DOCK3: variants seen among roughly 807,000 people sequenced by gnomAD.
The protein encoded by DOCK3 is dedicator of cytokinesis 3.
Under a neutral mutation model 265.6 loss-of-function variants are expected in DOCK3, and 60 were observed. The observed-to-expected ratio is 0.23, with a 90% CI of 0.18 to 0.28. DOCK3 has a LOEUF of 0.28. Ranked by LOEUF, DOCK3 falls within the 10% of genes least tolerant of loss-of-function variation. DOCK3 has a pLI of 1.00. For missense variants in DOCK3, 1,981 were observed against 2,594.3 expected, an observed-to-expected ratio of 0.76 and a Z score of 5.14; for synonymous variants, 881 against 938.0, an observed-to-expected ratio of 0.94 and a Z score of 1.11.
At chr3:50,933,626 T>C (rs1436759444) in intron 4 of DOCK3, among the ~76,000 whole-genome samples, 1 of 152,092 alleles carries the variant, frequency 6.6e-6, no homozygotes, top group Non-Finnish European at 1.5e-5. Flanking sequence ...AGAAAAATGT[T>C]AAAGGTCATA....
chr3:50,888,665 A>G lies in DOCK3; in HGVS notation c.163-1361A>G, dbSNP rs534565679. 2.0e-5 allele frequency among the ~76,000 whole-genome samples: 3 copies of G among 152,298 alleles called. No homozygotes were observed. In the South Asian group the frequency reaches 6.2e-4, roughly 32 times the overall value. ...ATGGTACTGGTACCAAAACAGAGAT[A>G]TAGATCAATGGAACAGAACAGAGCC... On this transcript the variant is annotated intron_variant, in intron 3 of 52. Coordinates refer to ENST00000266037, the MANE Select transcript of DOCK3 (RefSeq NM_004947.5).
rs1242775735 is a variant in DOCK3 at position 51,220,732 on chromosome 3, T to TATAA, written c.1253-4916_1253-4915insTAAA. 2.4e-3 allele frequency among the ~76,000 whole-genome samples: 350 copies of TATAA among 144,576 alleles called. 4 individuals carry two copies. The highest frequency in any genetic ancestry group is 8.1e-3 in the African/African-American group (319 of 39,440). The allele number at this position is 144,576 out of a possible 152,430, so 94.8% of individuals were successfully genotyped here. A position where few individuals can be genotyped will look rare whatever the true frequency, so the allele number is the denominator to read the frequency against. On this transcript the variant is annotated intron_variant, in intron 14 of 52. Transcript: ENST00000266037. ...GTGTATATATATATATATATATATA[T>TATAA]AAAATACTTGAACCCAGAGCCTCCT...
intron 7 of DOCK3, among the ~76,000 whole-genome samples, chr3:51,088,683 G>T (rs1474827998): frequency 6.6e-6 from 1 of 152,146 alleles, no homozygotes; most frequent in African/African-American, 2.4e-5. Flanking sequence ...GATAATACAG[G>T]CTCTTATCTG....
In DOCK3 at chr3:50,675,324, G is replaced by T. The variant is rs1350939594; in HGVS notation, c.37+24G>T. On this transcript the variant is annotated intron_variant, in intron 1 of 52. Coordinates refer to ENST00000266037, the MANE Select transcript of DOCK3 (RefSeq NM_004947.5). The surrounding 1 kb of genome is among the most constrained non-coding windows in gnomAD (Gnocchi z 6.1). ...AGGTAGGTGAGGCTCAGGCCTGGCC[G>T]TGGCGGGGGTTCTGGGGGACGCGCC... The T allele has an allele frequency of 3.2e-6, 4 of 1,241,818 alleles. No homozygotes were observed. Among genetic ancestry groups the T allele is most frequent in the Non-Finnish European group, 4.1e-6 (4 of 979,188 alleles). The allele number at this position is 1,241,818 out of a possible 1,614,324, so 76.9% of individuals were successfully genotyped here. A position where few individuals can be genotyped will look rare whatever the true frequency, so the allele number is the denominator to read the frequency against.
At chr3:50,828,008 C>T (rs1029593945) in intron 2 of DOCK3, among the ~76,000 whole-genome samples, 14 of 150,136 alleles carry the variant, frequency 9.3e-5, no homozygotes, top group Non-Finnish European at 1.6e-4. Context: ...TGCAGTGGTG[C>T]GATCTCGGCT....
At chr3:51,135,031 C>T (rs1234463899) in intron 9 of DOCK3, among the ~76,000 whole-genome samples, 1 of 152,194 alleles carries the variant, frequency 6.6e-6, no homozygotes, top group East Asian at 1.9e-4. Context: ...GCTGTTGCAG[C>T]TACTACAGCA....
At chr3:50,983,983 C>T (rs1159765204) in intron 5 of DOCK3, among the ~76,000 whole-genome samples, 1 of 152,188 alleles carries the variant, frequency 6.6e-6, no homozygotes, top group Non-Finnish European at 1.5e-5. Flanking sequence ...GCTTGTGGTG[C>T]ACCTGGTCCA....
intron 5 of DOCK3, among the ~76,000 whole-genome samples, chr3:51,052,328 A>G (rs1292778476): frequency 2.0e-5 from 3 of 152,116 alleles, no homozygotes; most frequent in South Asian, 4.1e-4. Flanking sequence ...CCACATAGCA[A>G]GACCTTGTCT....
intron 12 of DOCK3, among the ~76,000 whole-genome samples, chr3:51,165,048 CCT>C (rs976997972): frequency 3.4e-5 from 5 of 148,090 alleles, no homozygotes; most frequent in Non-Finnish European, 5.9e-5. Context: ...AAGCCATTCT[CCT>C]CTCTCAGCCT....
chr3:50,889,321 C>G (rs868832754), intron 3 of DOCK3, among the ~76,000 whole-genome samples: 1 of 151,948 alleles, frequency 6.6e-6, no homozygotes, highest in Non-Finnish European at 1.5e-5. Flanking sequence ...TGGCCTCTAA[C>G]AGTTCTCCCA....
At chr3:50,676,691 G>T (rs1382722522) in intron 1 of DOCK3, among the ~76,000 whole-genome samples, 1 of 151,180 alleles carries the variant, frequency 6.6e-6, no homozygotes, top group Non-Finnish European at 1.5e-5. Flanking sequence ...TTTTTTGGAG[G>T]GGGGAGGAGC....
chr3:50,741,471 G>A (rs971261665), intron 1 of DOCK3, among the ~76,000 whole-genome samples: 2 of 128,498 alleles, frequency 1.6e-5, no homozygotes, highest in African/African-American at 6.0e-5. Context: ...TCCCCTCCCT[G>A]TGTCCATGTG....
chr3:51,275,325 A>G, intron 25 of DOCK3, 119 bp downstream of exon 25: 1 of 1,459,254 alleles, frequency 6.9e-7, no homozygotes, highest in East Asian at 2.3e-5. Flanking sequence ...TGCTTTCATC[A>G]GTGACAGGAA....
chr3:51,381,640 C>G lies in DOCK3; in HGVS notation c.*81C>G. 1 of 1,433,086 alleles carries G rather than the reference C, an allele frequency of 7.0e-7. No homozygotes were observed. Among genetic ancestry groups the G allele is most frequent in the Non-Finnish European group, 9.1e-7 (1 of 1,097,758 alleles). The allele number at this position is 1,433,086 out of a possible 1,614,324, so 88.8% of individuals were successfully genotyped here. A position where few individuals can be genotyped will look rare whatever the true frequency, so the allele number is the denominator to read the frequency against. ...AGGTCTGAAAAGCAAGTCCCCCAGC[C>G]CCACCCCAGGGAGCCAGAGAGGCTT... On this transcript the variant is annotated 3_prime_UTR_variant, in exon 53 of 53. Transcript: ENST00000266037. The surrounding 1 kb of genome is among the most constrained non-coding windows in gnomAD (Gnocchi z 5.6).
chr3:51,323,898 C>G (rs1314435378), intron 32 of DOCK3, among the ~76,000 whole-genome samples: 1 of 152,092 alleles, frequency 6.6e-6, no homozygotes, highest in Non-Finnish European at 1.5e-5. Context: ...AATCCAGGAG[C>G]TGGTTTTTTG....
At chr3:50,823,792 GGGGCTGACTCCCCCA>G (rs2044600685) in intron 2 of DOCK3, among the ~76,000 whole-genome samples, 1 of 152,168 alleles carries the variant, frequency 6.6e-6, no homozygotes, top group South Asian at 2.1e-4. Context: ...GCCGGGCCGG[GGGGCTGACTCCCCCA>G]CCTCCCTCCC....
At chr3:50,835,475 A>G (rs1400081465) in intron 2 of DOCK3, among the ~76,000 whole-genome samples, 1 of 152,220 alleles carries the variant, frequency 6.6e-6, no homozygotes, top group Non-Finnish European at 1.5e-5. Flanking sequence ...ATAGCTGACT[A>G]TAAACCATCT....
chr3:51,266,878 G>C (rs532580678), intron 23 of DOCK3, among the ~76,000 whole-genome samples: 54 of 152,284 alleles, frequency 3.5e-4, no homozygotes, highest in East Asian at 1.2e-3. Flanking sequence ...GCTATCATCA[G>C]AGTGAACAGG....
chr3:50,931,194 A>C (rs1300432942), intron 4 of DOCK3, among the ~76,000 whole-genome samples: 1 of 152,080 alleles, frequency 6.6e-6, no homozygotes, highest in Non-Finnish European at 1.5e-5. Flanking sequence ...TATTTTCTCT[A>C]TACCACTTTT....
Sources: allele counts gnomAD v4.1 joint callset (sites outside exome capture counted in the v4.1 genomes callset), GRCh38; gene constraint gnomAD v4.1.1; non-coding constraint Gnocchi (gnomAD v3.1); transcripts MANE v1.5; gene names NCBI Gene and HGNC (gene_info 2026-07-23, HGNC 2026-07-21).